Variants in HSP90AA1 observed in about 807,000 individuals in gnomAD.
HSP90AA1 encodes heat shock protein HSP 90-alpha.
In HSP90AA1, 18 loss-of-function variants were observed where a neutral mutation model predicts 73.3. The observed-to-expected ratio is 0.25, with a 90% CI of 0.17 to 0.36. The LOEUF (loss-of-function observed/expected upper bound fraction) is 0.36, where lower values mean the gene tolerates loss of function less well. Among genes scored for constraint, HSP90AA1 ranks in the 10% least tolerant of loss-of-function variants. The pLI, the probability that HSP90AA1 is intolerant of heterozygous loss-of-function variation, is 1.00. For synonymous variants in HSP90AA1, 477 were observed against 296.9 expected, an observed-to-expected ratio of 1.61 and a Z score of -6.24; for missense variants, 704 against 874.2, an observed-to-expected ratio of 0.81 and a Z score of 2.45.
chr14:102,085,476 T>G (rs200335861), intron 3 of HSP90AA1, 45 bp from the exon 4 acceptor site: 3 of 1,549,772 alleles, frequency 1.9e-6, no homozygotes, highest in South Asian at 1.1e-5. Flanking sequence ...TTCAATTTAG[T>G]GCTCAACGCC....
intron 8 of HSP90AA1, 90 bp downstream of exon 8, chr14:102,083,455 TG>T: frequency 1.4e-6 from 2 of 1,432,914 alleles, no homozygotes; most frequent in Non-Finnish European, 2.0e-6. Context: ...CAATACCAGT[TG>T]TAACAGTGCT....
chr14:102,082,644 A>AC lies in HSP90AA1; in HGVS notation c.1756-201_1756-200insG, dbSNP rs1491516943. On this transcript the variant is annotated intron_variant, in intron 9 of 10. Coordinates refer to ENST00000216281, the MANE Select transcript of HSP90AA1 (RefSeq NM_005348.4). Reference sequence around the variant, plus strand: ...ACATGCACAATTTTTTTTTTGAGATAGAGTCTCGCTCCATCACCCAGGCTG... The same window carrying AC: ...ACATGCACAATTTTTTTTTTGAGATACGAGTCTCGCTCCATCACCCAGGCTG... The AC allele has an allele frequency of 6.7e-6, 4 of 597,578 alleles. No individual in the cohort carries two copies. The African/African-American group carries it at 7.4e-5, about 11-fold the overall frequency. 37.0% of individuals were successfully genotyped at this position (597,578 alleles called of 1,614,324 possible).
At chr14:102,131,653 A>C (rs10136501) in intron 1 of HSP90AA1, among the ~76,000 whole-genome samples, 19,893 of 151,858 alleles carry the variant, frequency 0.13, 1,784 homozygotes, top group African/African-American at 0.25. Flanking sequence ...CCACCTCCTT[A>C]CTTCTTTCAA....
chr14:102,129,766 G>C (rs2049885121), intron 1 of HSP90AA1, among the ~76,000 whole-genome samples: 1 of 150,620 alleles, frequency 6.6e-6, no homozygotes, highest in Admixed American at 6.6e-5. Flanking sequence ...GCCTCCCAAA[G>C]TGCTGGGATT....
chr14:102,085,200 T>G, intron 4 of HSP90AA1, 98 bp downstream of exon 4: 1 of 1,453,748 alleles, frequency 6.9e-7, no homozygotes. Flanking sequence ...TTCCCCAGGC[T>G]TCAGACTAGT....
In HSP90AA1 at chr14:102,137,030, G is replaced by A. The variant is rs371386845; in HGVS notation, c.155+2220C>T. Among the ~76,000 whole-genome samples, 12 of 151,906 alleles carry A rather than the reference G, an allele frequency of 7.9e-5. No individual in the cohort carries two copies. In the South Asian group the frequency reaches 1.9e-3, roughly 24 times the overall value. ...GGAGTTCGAGACCAGCCTGGCCAACGTGGTGAAACCCCGTCTCTACTAAAA... is the reference window on the plus strand; with the variant it reads ...GGAGTTCGAGACCAGCCTGGCCAACATGGTGAAACCCCGTCTCTACTAAAA... On this transcript the variant is annotated intron_variant, in intron 1 of 11. Coordinates refer to the HSP90AA1 transcript ENST00000334701.
At chr14:102,121,139 T>G (rs1176165397) in intron 1 of HSP90AA1, among the ~76,000 whole-genome samples, 3 of 151,974 alleles carry the variant, frequency 2.0e-5, no homozygotes, top group Admixed American at 6.6e-5. Flanking sequence ...CTTAAATGAT[T>G]GATGCTCCTG....
chr14:102,084,825 C>A lies in HSP90AA1; in HGVS notation c.837G>T (p.Lys279Asn), dbSNP rs1243443366. Residue 279 changes from lysine (K) to asparagine (N), a missense_variant, in exon 5 of 11, where the codon AAG becomes AAT. Coordinates refer to ENST00000216281, the MANE Select transcript of HSP90AA1 (RefSeq NM_005348.4). ...KKDGDKKKKKKIKEKYIDQEE... is the reference protein window; with the variant it reads ...KKDGDKKKKKNIKEKYIDQEE... Reference sequence around the variant, plus strand: ...CTTGATCGATGTACTTTTCCTTAATCTTCTTCTTCTTCTTCTTGTCACCAT... The same window carrying A: ...CTTGATCGATGTACTTTTCCTTAATATTCTTCTTCTTCTTCTTGTCACCAT... 2.7e-6 allele frequency: 4 copies of A among 1,483,402 alleles called. No homozygotes were observed. The highest frequency in any genetic ancestry group is 1.4e-5 in the African/African-American group (1 of 72,116). The allele number at this position is 1,483,402 out of a possible 1,614,324, so 91.9% of individuals were successfully genotyped here.
chr14:102,086,498 A>T, intron 1 of HSP90AA1, 120 bp from the exon 2 acceptor site: 1 of 1,141,438 alleles, frequency 8.8e-7, no homozygotes, highest in Non-Finnish European at 1.3e-6. Flanking sequence ...GTTTAAGTAA[A>T]CCGAAAATAG....
At chr14:102,106,459 T>C (rs2049568579) in intron 1 of HSP90AA1, among the ~76,000 whole-genome samples, 1 of 151,502 alleles carries the variant, frequency 6.6e-6, no homozygotes, top group African/African-American at 2.4e-5. Context: ...TATGCAATCA[T>C]GAATAATCAT....
At chr14:102,113,604 C>T (rs2049669730) in intron 1 of HSP90AA1, among the ~76,000 whole-genome samples, 1 of 152,022 alleles carries the variant, frequency 6.6e-6, no homozygotes, top group South Asian at 2.1e-4. Context: ...TAGGCTGGAA[C>T]TCCTGACCTC....
intron 9 of HSP90AA1, chr14:102,082,709 C>T: frequency 1.9e-6 from 1 of 518,232 alleles, no homozygotes; most frequent in Non-Finnish European, 3.5e-6. Context: ...CAACCTCCGC[C>T]TCCTGGGTTC....
intron 3 of HSP90AA1, 103 bp downstream of exon 3, chr14:102,085,655 C>G (rs1458872186): frequency 1.1e-5 from 17 of 1,551,536 alleles, no homozygotes; most frequent in South Asian, 7.9e-5. Flanking sequence ...GATCGTTGGG[C>G]AAACACAAAT....
At chr14:102,085,076 T>C (rs2049193575) in intron 4 of HSP90AA1, 78 bp from the exon 5 acceptor site, 1 of 1,608,894 alleles carries the variant, frequency 6.2e-7, no homozygotes, top group Non-Finnish European at 8.5e-7. Context: ...ATTTTCAACC[T>C]AAGGCCCAAG....
chr14:102,132,191 A>T (rs2049914922), intron 1 of HSP90AA1, among the ~76,000 whole-genome samples: 1 of 151,958 alleles, frequency 6.6e-6, no homozygotes, highest in Admixed American at 6.6e-5. Flanking sequence ...ACATGGTGAA[A>T]CCCCATCTCT....
intron 6 of HSP90AA1, 158 bp from the exon 7 acceptor site, chr14:102,084,141 C>A: frequency 1.4e-6 from 1 of 735,558 alleles, no homozygotes. Flanking sequence ...GCAATCTCCA[C>A]TCACTGCAAC....
At chr14:102,112,810 G>C (rs1289778246) in intron 1 of HSP90AA1, among the ~76,000 whole-genome samples, 1 of 152,022 alleles carries the variant, frequency 6.6e-6, no homozygotes, top group East Asian at 1.9e-4. Context: ...AACCCTTCTA[G>C]CATTTTAATT....
chr14:102,109,016 C>T (rs1023797945), intron 1 of HSP90AA1, among the ~76,000 whole-genome samples: 2 of 152,082 alleles, frequency 1.3e-5, no homozygotes, highest in Admixed American at 6.6e-5. Flanking sequence ...GTATAATTTA[C>T]ATAAAGTGCT....
intron 9 of HSP90AA1, 100 bp downstream of exon 9, chr14:102,082,934 T>A: frequency 1.6e-6 from 2 of 1,265,260 alleles, no homozygotes; most frequent in Non-Finnish European, 2.3e-6. Context: ...CAACATAGTT[T>A]TCTGTTTTAA....
Sources: allele counts gnomAD v4.1 joint callset (sites outside exome capture counted in the v4.1 genomes callset), GRCh38; gene constraint gnomAD v4.1.1; transcripts MANE v1.5; gene names NCBI Gene and HGNC (gene_info 2026-07-23, HGNC 2026-07-21).